The following DENND5A variants were observed in gnomAD, a reference collection of about 807,000 sequenced individuals.
DENND5A encodes the protein DENN domain containing 5A.
Under a neutral mutation model 140.3 loss-of-function variants are expected in DENND5A, and 64 were observed. The ratio of observed to expected loss-of-function variants is 0.46; its 90% CI spans 0.37 to 0.56. DENND5A has a LOEUF of 0.56. Among genes scored for constraint, DENND5A ranks in the 20% least tolerant of loss-of-function variants. DENND5A has a pLI of 0.00. For missense variants in DENND5A, 1,292 were observed against 1,593.8 expected, an observed-to-expected ratio of 0.81 and a Z score of 3.22; for synonymous variants, 605 against 607.7, an observed-to-expected ratio of 1.00 and a Z score of 0.07.
rs764512175 is a variant in DENND5A at position 9,203,913 on chromosome 11, T to C, written c.696A>G (p.Ser232=). The C allele has an allele frequency of 6.2e-6, 10 of 1,613,928 alleles. No individual in the cohort carries two copies. Among genetic ancestry groups the C allele is most frequent in the South Asian group, 1.1e-5 (1 of 91,078 alleles). ...VLEQLHQAVT[S]PQPPPLPLES... ...CAAGGGGCAGTGGAGGGGGCTGAGG[T>C]GAAGTGACTGCCTGGTGGAGTTGCT... The change falls in exon 4 of 23, where the codon TCA becomes TCG. Residue 232 remains serine (S), a synonymous_variant. Transcript: ENST00000328194.
chr11:9,261,014 A>C (rs996421451), intron 1 of DENND5A, among the ~76,000 whole-genome samples: 2 of 101,210 alleles, frequency 2.0e-5, no homozygotes. Context: ...ACACCCAGCT[A>C]ATTTTTTGTA....
intron 4 of DENND5A, among the ~76,000 whole-genome samples, chr11:9,194,615 TGAC>T (rs1044212452): frequency 2.0e-4 from 31 of 151,858 alleles, no homozygotes; most frequent in African/African-American, 7.0e-4. Context: ...CTCAGAGGAT[TGAC>T]TTTAGCTACT....
intron 8 of DENND5A, among the ~76,000 whole-genome samples, chr11:9,172,810 T>A (rs1005865590): frequency 1.3e-5 from 2 of 152,046 alleles, no homozygotes; most frequent in Non-Finnish European, 2.9e-5. Flanking sequence ...AGGAGCGACA[T>A]CTTTTTTTTA....
At position 9,145,651 on chromosome 11, in the gene DENND5A, G is replaced by C. The variant is rs781314409; in HGVS notation, c.3003+19C>G. ...CAAACTCAGATCCCCACAGAGCTGT[G>C]GCCCCAAATAACACATACCTCGAAG... On this transcript the variant is annotated intron_variant, in intron 17 of 22. Coordinates refer to ENST00000328194, the MANE Select transcript of DENND5A (RefSeq NM_015213.4). 3.1e-6 allele frequency: 5 copies of C among 1,613,832 alleles called. No homozygotes were observed. Among genetic ancestry groups the C allele is most frequent in the Non-Finnish European group, 4.2e-6 (5 of 1,179,814 alleles).
At chr11:9,194,535 C>T (rs919278691) in intron 4 of DENND5A, among the ~76,000 whole-genome samples, 2 of 150,358 alleles carry the variant, frequency 1.3e-5, no homozygotes, top group African/African-American at 4.9e-5. Context: ...CACAGCTGCA[C>T]ACGCCAGCCA....
At chr11:9,219,758 G>C (rs1850235220) in intron 1 of DENND5A, among the ~76,000 whole-genome samples, 1 of 152,226 alleles carries the variant, frequency 6.6e-6, no homozygotes, top group South Asian at 2.1e-4. Context: ...TATTTTCCAA[G>C]GGATCTGTGA....
chr11:9,242,177 A>G (rs948164083), intron 1 of DENND5A, among the ~76,000 whole-genome samples: 1 of 152,160 alleles, frequency 6.6e-6, no homozygotes, highest in Non-Finnish European at 1.5e-5. Context: ...TCCCTCCACT[A>G]AAACCAAAGC....
intron 12 of DENND5A, among the ~76,000 whole-genome samples, chr11:9,155,017 C>T (rs1432799338): frequency 6.6e-6 from 1 of 151,916 alleles, no homozygotes; most frequent in East Asian, 1.9e-4. Flanking sequence ...CGCATGGTGA[C>T]AGGCACCTGT....
chr11:9,224,014 A>C (rs1850430120), intron 1 of DENND5A, among the ~76,000 whole-genome samples: 1 of 152,068 alleles, frequency 6.6e-6, no homozygotes, highest in South Asian at 2.1e-4. Flanking sequence ...CAACATGGCA[A>C]AACCCTGTCT....
chr11:9,226,893 G>C (rs1850550592), intron 1 of DENND5A, among the ~76,000 whole-genome samples: 1 of 152,138 alleles, frequency 6.6e-6, no homozygotes, highest in South Asian at 2.1e-4. Context: ...ACAAGGACGA[G>C]AGTGGTGACT....
At chr11:9,210,161 A>G (rs1488393195) in intron 1 of DENND5A, among the ~76,000 whole-genome samples, 1 of 152,132 alleles carries the variant, frequency 6.6e-6, no homozygotes, top group Non-Finnish European at 1.5e-5. Flanking sequence ...ACACCTACAT[A>G]GGCCCACCTC....
chr11:9,192,598 A>C (rs1849170341), intron 5 of DENND5A, among the ~76,000 whole-genome samples: 1 of 151,484 alleles, frequency 6.6e-6, no homozygotes, highest in Admixed American at 6.6e-5. Flanking sequence ...ACTGCACTCC[A>C]GCCTGGGTGA....
At chr11:9,217,305 G>C (rs1850131708) in intron 1 of DENND5A, among the ~76,000 whole-genome samples, 1 of 152,094 alleles carries the variant, frequency 6.6e-6, no homozygotes, top group African/African-American at 2.4e-5. Context: ...CCTGAGGTCA[G>C]GAGTTTGAGA....
chr11:9,207,183 G>A (rs1331553190), intron 2 of DENND5A: 3 of 453,334 alleles, frequency 6.6e-6, no homozygotes, highest in South Asian at 1.9e-5. Context: ...CTAAAATTCA[G>A]AATAAACTAT....
chr11:9,224,625 C>G (rs1000551107), intron 1 of DENND5A, among the ~76,000 whole-genome samples: 15 of 152,050 alleles, frequency 9.9e-5, no homozygotes, highest in Non-Finnish European at 1.3e-4. Flanking sequence ...CTTTGGGAGG[C>G]TGAGGCAGGC....
intron 1 of DENND5A, among the ~76,000 whole-genome samples, chr11:9,235,976 C>G (rs1004156600): frequency 2.0e-5 from 3 of 152,184 alleles, no homozygotes; most frequent in Non-Finnish European, 4.4e-5. Flanking sequence ...TGCAGTGGCT[C>G]ATACCTGTAA....
Position 9,144,075 on chromosome 11 carries a change from C to T in DENND5A, c.3304+22G>A, listed in dbSNP as rs199883719. 96 of 1,607,570 alleles carry T rather than the reference C, an allele frequency of 6.0e-5. No homozygotes were observed. In the East Asian group the frequency reaches 2.0e-3, roughly 33 times the overall value. ...TTCCCTAGACTGTATGGCATGAGGG[C>T]CCAACCCCTCCTCCCACTTACTGGG... On this transcript the variant is annotated intron_variant, in intron 19 of 22. Transcript: ENST00000328194.
At chr11:9,164,047 A>G (rs935165287) in intron 11 of DENND5A, among the ~76,000 whole-genome samples, 4 of 124,478 alleles carry the variant, frequency 3.2e-5, no homozygotes, top group Non-Finnish European at 6.6e-5. Context: ...GTACTGATAT[A>G]TTAATCAGGT....
rs763204081 is a variant in DENND5A at position 9,139,679 on chromosome 11, C to T, written c.3856G>A (p.Asp1286Asn). 5.0e-6 allele frequency: 8 copies of T among 1,612,936 alleles called. No homozygotes were observed. The African/African-American group carries it at 5.3e-5, about 11-fold the overall frequency. Residue 1286 changes from aspartate (D) to asparagine (N), a missense_variant, in exon 23 of 23, where the codon GAC (aspartate) becomes AAC (asparagine). Asp to Asn is a conservative substitution (Grantham distance 23, BLOSUM62 1). Around this residue, in one of 4 missense-constraint regions of DENND5A, gnomAD observed 498 missense variants for 689.7 expected, o/e 0.72. Transcript: ENST00000328194. The part of the protein sequence containing the change: ...TLETSLVKGI[D>N]I ...TGGCTGGTGCTGGGAGGTCAGATGT[C>T]GATGCCCTTGACAAGGGACGTCTCC...
Sources: gnomAD v4.1 joint callset for allele counts (sites outside exome capture counted in the v4.1 genomes callset) on GRCh38, gnomAD v4.1.1 for gene constraint, gnomAD v4.1.1 regional missense constraint, MANE v1.5 for transcripts, NCBI Gene and HGNC (gene_info 2026-07-23, HGNC 2026-07-21) for gene names.